Variants in DNAI7 observed in about 807,000 individuals in gnomAD.
The protein encoded by DNAI7 is cancer susceptibility 1.
In DNAI7, 78 loss-of-function variants were observed where a neutral mutation model predicts 86.6. The observed-to-expected ratio is 0.90, with a 90% CI of 0.75 to 1.09. The LOEUF is 1.09. DNAI7 is among the 50% of genes least tolerant of loss of function. DNAI7 has a pLI of 0.00. For missense variants in DNAI7, 753 were observed against 810.2 expected (o/e 0.93, Z 0.86); for synonymous variants, 274 against 273.0 (o/e 1.00, Z -0.04).
intron 12 of DNAI7, among the ~76,000 whole-genome samples, chr12:25,117,821 G>A (rs1423022931): frequency 3.3e-5 from 5 of 151,828 alleles, no homozygotes; most frequent in Non-Finnish European, 5.9e-5. Context: ...ATTTATAAAC[G>A]ATTAACATTA....
intron 9 of DNAI7, among the ~76,000 whole-genome samples, chr12:25,131,591 C>T (rs933646196): frequency 6.6e-6 from 1 of 152,078 alleles, no homozygotes; most frequent in Non-Finnish European, 1.5e-5. Flanking sequence ...TCCCAAGAAT[C>T]CCCAGTAACC....
At chr12:25,159,424 CAAAAAAAAAGAA>C (rs1160763626) in intron 3 of DNAI7, among the ~76,000 whole-genome samples, 15 of 127,824 alleles carry the variant, frequency 1.2e-4, no homozygotes, top group Non-Finnish European at 1.8e-4. Context: ...TCCCATTTCC[CAAAAAAAAAGAA>C]AAAAAAAAAG....
chr12:25,108,016 T>C, downstream of DNAI7: 1 of 1,614,060 alleles, frequency 6.2e-7, no homozygotes, highest in Non-Finnish European at 8.5e-7. Context: ...ACATATCTTG[T>C]GGCCATTTAC....
intron 9 of DNAI7, among the ~76,000 whole-genome samples, chr12:25,133,316 C>T (rs1356400339): frequency 1.3e-5 from 2 of 152,300 alleles, no homozygotes; most frequent in Non-Finnish European, 2.9e-5. Context: ...TATCCATCAT[C>T]TCTCATTCTT....
chr12:25,141,536 A>T (rs1267412819), intron 9 of DNAI7, among the ~76,000 whole-genome samples: 1 of 152,208 alleles, frequency 6.6e-6, no homozygotes, highest in Non-Finnish European at 1.5e-5. Context: ...CTCCTGCAAA[A>T]ATGGCCATAA....
At chr12:25,119,469 A>G (rs1592223687) in intron 11 of DNAI7, among the ~76,000 whole-genome samples, 168 bp from the exon 12 acceptor site, 3 of 152,242 alleles carry the variant, frequency 2.0e-5, no homozygotes, top group African/African-American at 7.2e-5. Context: ...TACATGATTG[A>G]GAAAAAAAGT....
chr12:25,191,816 C>T (rs1592750241), intron 1 of DNAI7, among the ~76,000 whole-genome samples: 2 of 152,244 alleles, frequency 1.3e-5, no homozygotes, highest in East Asian at 3.9e-4. Context: ...TTGGAAAGCA[C>T]AGGATTTCAA....
At chr12:25,135,186 C>T (rs1179232025) in intron 9 of DNAI7, among the ~76,000 whole-genome samples, 1 of 152,212 alleles carries the variant, frequency 6.6e-6, no homozygotes, top group Non-Finnish European at 1.5e-5. Flanking sequence ...TGCCTCCAAA[C>T]ACACATCCTC....
At chr12:25,191,360 ACT>A (rs1950500180) in intron 1 of DNAI7, among the ~76,000 whole-genome samples, 1 of 151,830 alleles carries the variant, frequency 6.6e-6, no homozygotes, top group Non-Finnish European at 1.5e-5. Context: ...GAGCCATGAC[ACT>A]CAGCCTGGGC....
downstream of DNAI7, chr12:25,107,913 T>G (rs763765046): frequency 4.3e-6 from 7 of 1,614,258 alleles, no homozygotes; most frequent in Non-Finnish European, 5.1e-6. Flanking sequence ...TTGTACTGTT[T>G]GCAGCTTTGA....
chr12:25,145,369 C>G (rs577055503), intron 8 of DNAI7, among the ~76,000 whole-genome samples: 32 of 152,296 alleles, frequency 2.1e-4, no homozygotes, highest in African/African-American at 7.7e-4. Context: ...ACCCCAATCA[C>G]CATCAAAGTG....
Position 25,108,397 on chromosome 12 carries a change from TA to T in DNAI7, c.*150del. ...TCAAAGGAAAAAAAAATACTGTTTT[TA>T]AAATAAAACTTGAGTAGAAAATGCA... On this transcript the variant is annotated 3_prime_UTR_variant, in exon 16 of 16. Coordinates refer to ENST00000395987, the MANE Select transcript of DNAI7 (RefSeq NM_018272.5). The T allele has an allele frequency of 2.9e-6, 2 of 697,304 alleles. No homozygotes were observed. The highest frequency in any genetic ancestry group is 2.2e-6 in the Non-Finnish European group (1 of 454,118). The allele number at this position is 697,304 out of a possible 1,614,324, so 43.2% of individuals were successfully genotyped here.
At chr12:25,136,674 T>A (rs1438296295) in intron 9 of DNAI7, among the ~76,000 whole-genome samples, 1 of 152,032 alleles carries the variant, frequency 6.6e-6, no homozygotes, top group African/African-American at 2.4e-5. Context: ...ATACAGGCGA[T>A]GGATAAAAAA....
intron 9 of DNAI7, among the ~76,000 whole-genome samples, chr12:25,141,718 T>G (rs952050874): frequency 2.6e-5 from 4 of 152,106 alleles, no homozygotes; most frequent in Admixed American, 2.6e-4. Context: ...CAATCCCAGC[T>G]ACTCAGGAGT....
At chr12:25,156,282 A>C (rs1352234139) in intron 4 of DNAI7, among the ~76,000 whole-genome samples, 1 of 152,204 alleles carries the variant, frequency 6.6e-6, no homozygotes, top group Non-Finnish European at 1.5e-5. Context: ...CACTTGTGCA[A>C]TTATTTGACT....
intron 15 of DNAI7, among the ~76,000 whole-genome samples, chr12:25,109,204 C>T (rs1382298001): frequency 6.6e-6 from 1 of 152,148 alleles, no homozygotes; most frequent in Non-Finnish European, 1.5e-5. Context: ...GGGGGAAACA[C>T]ACAATAAACA....
chr12:25,122,611 A>C (rs1042250438), intron 10 of DNAI7, among the ~76,000 whole-genome samples: 2 of 152,212 alleles, frequency 1.3e-5, no homozygotes, highest in Non-Finnish European at 2.9e-5. Flanking sequence ...TATAAATCTC[A>C]AACTAAAAGA....
At chr12:25,164,801 T>C (rs1178123932) in intron 2 of DNAI7, among the ~76,000 whole-genome samples, 1 of 151,736 alleles carries the variant, frequency 6.6e-6, no homozygotes, top group African/African-American at 2.4e-5. Context: ...CCATCTGACT[T>C]CTCCCCTCCT....
intron 13 of DNAI7, among the ~76,000 whole-genome samples, chr12:25,114,008 C>T (rs1383919002): frequency 7.7e-6 from 1 of 130,362 alleles, no homozygotes; most frequent in African/African-American, 3.1e-5. Flanking sequence ...TGCAGTGGTA[C>T]GATCTCGGCT....
Sources: allele counts gnomAD v4.1 joint callset (sites outside exome capture counted in the v4.1 genomes callset), GRCh38; gene constraint gnomAD v4.1.1; transcripts MANE v1.5; gene names NCBI Gene and HGNC (gene_info 2026-07-23, HGNC 2026-07-21).